The following UHMK1 variants were observed in gnomAD, a reference collection of about 807,000 sequenced individuals.
UHMK1 encodes U2AF homology motif kinase 1.
In UHMK1, 18 loss-of-function variants were observed where a neutral mutation model predicts 44.0. The ratio of observed to expected loss-of-function variants is 0.41; its 90% confidence interval spans 0.28 to 0.61. The LOEUF (loss-of-function observed/expected upper bound fraction) is 0.61. Among genes scored for constraint, UHMK1 ranks in the 20% least tolerant of loss-of-function variants. The probability of loss-of-function intolerance (pLI) is 0.31; values close to 1 mark genes in which losing one functional copy is unlikely to be tolerated. For synonymous variants in UHMK1, 231 were observed against 198.5 expected, an observed-to-expected ratio of 1.16 and a Z score of -1.38; for missense variants, 463 against 522.5, an observed-to-expected ratio of 0.89 and a Z score of 1.11.
At chr1:162,501,987 T>C (rs925590392) in intron 3 of UHMK1, among the ~76,000 whole-genome samples, 2 of 149,772 alleles carry the variant, frequency 1.3e-5, no homozygotes, top group Non-Finnish European at 3.0e-5. Flanking sequence ...TCAAGAACAA[T>C]AATCATTCCA....
At chr1:162,509,925 G>A (rs779385821) in intron 4 of UHMK1, among the ~76,000 whole-genome samples, 153 of 152,326 alleles carry the variant, frequency 1.0e-3, no homozygotes, top group Non-Finnish European at 1.6e-3. Context: ...GATTACAGGC[G>A]TGAGCCACCA....
rs1392854948 is a variant in UHMK1, at chr1:162,524,128, C to T, written c.*1578C>T. ...TATTTTTTCCTAAGGAAAAAGTCTT[C>T]TATCTTTCCCTGCTGGAAGCCTCCT... is the stretch of plus-strand genomic sequence containing the variant. On this transcript the variant is annotated 3_prime_UTR_variant, in exon 8 of 8. Transcript: ENST00000489294. The T allele has an allele frequency of 6.6e-6, 1 of 151,636 alleles. No individual in the cohort carries two copies. The highest frequency in any genetic ancestry group is 1.5e-5 in the Non-Finnish European group (1 of 67,938). 9.4% of individuals were successfully genotyped at this position (151,636 alleles called of 1,614,324 possible).
intron 3 of UHMK1, among the ~76,000 whole-genome samples, chr1:162,503,350 TTA>T (rs1407586638): frequency 6.6e-6 from 1 of 151,924 alleles, no homozygotes; most frequent in African/African-American, 2.4e-5. Context: ...TGGCTCACAG[TTA>T]TAGTCCCAGC....
rs939261708 is a variant in UHMK1, at chr1:162,497,855, G to T, written c.-146G>T. The stretch of plus-strand genomic sequence containing the variant: ...CACCACGGCTTCCGGTGTCATGGCT[G>T]CTTGAAGTCCCGGGAGTCGGTGAGG... On this transcript the variant is annotated 5_prime_UTR_variant, in exon 1 of 8. Transcript: ENST00000489294. 7.0e-5 allele frequency: 96 copies of T among 1,376,988 alleles called. No homozygotes were observed. The highest frequency in any genetic ancestry group is 1.4e-5 in the Non-Finnish European group (15 of 1,070,868). The allele number at this position is 1,376,988 out of a possible 1,614,324, so 85.3% of individuals were successfully genotyped here.
At chr1:162,514,787 C>T (rs1401770018) in intron 6 of UHMK1, among the ~76,000 whole-genome samples, 1 of 152,142 alleles carries the variant, frequency 6.6e-6, no homozygotes, top group Non-Finnish European at 1.5e-5. Flanking sequence ...AAAAGCAGAC[C>T]TTGGGGATTC....
intron 1 of UHMK1, 60 bp from the exon 2 acceptor site, chr1:162,499,895 T>C: frequency 6.5e-7 from 1 of 1,528,936 alleles, no homozygotes; most frequent in Non-Finnish European, 8.9e-7. Context: ...TGCAGTTACC[T>C]ACTTTAGTAG....
chr1:162,507,875 C>T (rs535273409), intron 4 of UHMK1, among the ~76,000 whole-genome samples: 2 of 150,320 alleles, frequency 1.3e-5, no homozygotes, highest in East Asian at 1.9e-4. Flanking sequence ...CATGAGCCAC[C>T]GTGCCCCGCC....
chr1:162,498,405 C>A, intron 1 of UHMK1, 137 bp downstream of exon 1: 1 of 1,054,090 alleles, frequency 9.5e-7, no homozygotes, highest in Non-Finnish European at 1.3e-6. Context: ...CCCATCCAGG[C>A]CCCTTTCCCC....
intron 4 of UHMK1, among the ~76,000 whole-genome samples, chr1:162,505,981 G>A (rs1427829069): frequency 6.6e-6 from 1 of 152,146 alleles, no homozygotes; most frequent in Non-Finnish European, 1.5e-5. Context: ...CCAGTAAATT[G>A]AAATAGGTAT....
rs1204050151 is a variant in UHMK1, at chr1:162,529,101, T to C, written c.*6551T>C. 6.6e-6 allele frequency: 1 copy of C among 152,184 alleles called. No individual in the cohort carries two copies. The highest frequency in any genetic ancestry group is 1.5e-5 in the Non-Finnish European group (1 of 68,000). The allele number at this position is 152,184 out of a possible 1,614,324, so 9.4% of individuals were successfully genotyped here. Reference sequence around the variant, plus strand: ...CAAGGAGTAATCTCTCCTGTTGGTTTACCTTCACCTCAGAACTACAAGAAT... The same window carrying C: ...CAAGGAGTAATCTCTCCTGTTGGTTCACCTTCACCTCAGAACTACAAGAAT... On this transcript the variant is annotated 3_prime_UTR_variant, in exon 8 of 8. Coordinates refer to ENST00000489294, the MANE Select transcript of UHMK1 (RefSeq NM_175866.5).
chr1:162,513,332 A>G (rs6668449), intron 6 of UHMK1, among the ~76,000 whole-genome samples: 69,434 of 151,950 alleles, frequency 0.46, 15,906 homozygotes, highest in East Asian at 0.47. Context: ...AACAACTTCT[A>G]TCTCTCTGGT....
rs1432200683 is a variant in UHMK1, at chr1:162,525,273, G to C, written c.*2723G>C. ...TACATAGGGATTTTGGTTTATTGAA[G>C]TTATTGAAAGACCTAGAAATTTTCT... On this transcript the variant is annotated 3_prime_UTR_variant, in exon 8 of 8. Transcript: ENST00000489294. 1 of 152,150 alleles carries C rather than the reference G, an allele frequency of 6.6e-6. No individual in the cohort carries two copies. Among genetic ancestry groups the C allele is most frequent in the Non-Finnish European group, 1.5e-5 (1 of 68,022 alleles). The allele number at this position is 152,150 out of a possible 1,614,324, so 9.4% of individuals were successfully genotyped here.
At chr1:162,522,329 TA>T in intron 7 of UHMK1, 74 bp from the exon 8 acceptor site, 8 of 1,510,276 alleles carry the variant, frequency 5.3e-6, no homozygotes, top group Non-Finnish European at 7.3e-6. Flanking sequence ...GATGTATATA[TA>T]TTAAAGGTGG....
intron 4 of UHMK1, among the ~76,000 whole-genome samples, chr1:162,504,726 G>A (rs997214370): frequency 6.6e-6 from 1 of 152,078 alleles, no homozygotes; most frequent in Non-Finnish European, 1.5e-5. Flanking sequence ...TACACTATAA[G>A]ACTAAGGGTA....
At chr1:162,513,678 C>T (rs1651743896) in intron 6 of UHMK1, among the ~76,000 whole-genome samples, 1 of 152,142 alleles carries the variant, frequency 6.6e-6, no homozygotes, top group Non-Finnish European at 1.5e-5. Context: ...AGCACAAACA[C>T]ATAGATATGA....
In UHMK1 at chr1:162,512,596, A is replaced by AT. The variant is rs774379127; in HGVS notation, c.925+27dup. 2.5e-6 allele frequency: 4 copies of AT among 1,605,584 alleles called. No homozygotes were observed. In the African/African-American group the frequency reaches 4.0e-5, roughly 16 times the overall value. On this transcript the variant is annotated intron_variant, in intron 5 of 7. Transcript: ENST00000489294. ...CTTTTGGTAAGTTGTGTATTCTTTT[A>AT]TTTTTTTCTTGGTCATTTGACAGTC...
At chr1:162,508,870 G>A (rs1490543129) in intron 4 of UHMK1, among the ~76,000 whole-genome samples, 3 of 152,066 alleles carry the variant, frequency 2.0e-5, no homozygotes, top group Non-Finnish European at 4.4e-5. Flanking sequence ...GCCATGGTGT[G>A]ATCACAGCTC....
intron 4 of UHMK1, among the ~76,000 whole-genome samples, chr1:162,511,387 G>A (rs927277364): frequency 2.6e-5 from 4 of 151,450 alleles, no homozygotes; most frequent in Non-Finnish European, 5.9e-5. Flanking sequence ...GGCTGGTCTC[G>A]GACTCCTGGG....
Position 162,526,445 on chromosome 1 carries a change from T to G in UHMK1, c.*3895T>G, listed in dbSNP as rs1031267878. ...CTAGGTGGCTTTATTCAGATTCGGGTACATTGGAATCACATCATGACTTTG... is the reference window on the plus strand; with the variant it reads ...CTAGGTGGCTTTATTCAGATTCGGGGACATTGGAATCACATCATGACTTTG... On this transcript the variant is annotated 3_prime_UTR_variant, in exon 8 of 8. Coordinates refer to ENST00000489294, the MANE Select transcript of UHMK1 (RefSeq NM_175866.5). 6.6e-6 allele frequency: 1 copy of G among 152,106 alleles called. No homozygotes were observed. Among genetic ancestry groups the G allele is most frequent in the Non-Finnish European group, 1.5e-5 (1 of 67,988 alleles). The allele number at this position is 152,106 out of a possible 1,614,324, so 9.4% of individuals were successfully genotyped here.
Sources: gnomAD v4.1 joint callset for allele counts (sites outside exome capture counted in the v4.1 genomes callset) on GRCh38, gnomAD v4.1.1 for gene constraint, MANE v1.5 for transcripts, NCBI Gene and HGNC (gene_info 2026-07-23, HGNC 2026-07-21) for gene names.